CPE: variants seen among roughly 807,000 people sequenced by gnomAD.
CPE encodes carbocypeptidase E.
In CPE, 17 loss-of-function variants were observed where a neutral mutation model predicts 53.5. The observed-to-expected ratio is 0.32, with a 90% CI of 0.22 to 0.48. The LOEUF is 0.48. Ranked by LOEUF, CPE falls within the 20% of genes least tolerant of loss-of-function variation. The probability of loss-of-function intolerance (pLI) is 0.99; values close to 1 mark genes in which losing one functional copy is unlikely to be tolerated. For missense variants in CPE, 524 were observed against 614.7 expected (o/e 0.85, Z 1.56); for synonymous variants, 226 against 228.8 (o/e 0.99, Z 0.11).
chr4:165,467,614 A>T, intron 2 of CPE, 74 bp from the exon 3 acceptor site: 1 of 1,399,396 alleles, frequency 7.1e-7, no homozygotes, highest in South Asian at 1.4e-5. Context: ...AAGAGCATTG[A>T]TAGGGACCTT....
At chr4:165,462,461 T>C (rs1280031236) in intron 1 of CPE, among the ~76,000 whole-genome samples, 1 of 148,926 alleles carries the variant, frequency 6.7e-6, no homozygotes, top group African/African-American at 2.4e-5. Context: ...AGGACCAAAA[T>C]GCCTTCTTAG....
In CPE at chr4:165,484,569, C is replaced by T. The variant is rs150784271; in HGVS notation, c.938C>T (p.Thr313Ile). 18 of 1,614,088 alleles carry T rather than the reference C, an allele frequency of 1.1e-5. No individual in the cohort carries two copies. In the African/African-American group the frequency reaches 2.0e-4, roughly 18 times the overall value. ...NDDDSSFVDGTTNGGAWYSVP... is the reference protein window; with the variant it reads ...NDDDSSFVDGITNGGAWYSVP... ...GATGACAGCAGCTTTGTAGATGGAA[C>T]CACCAACGGTGGTGCTTGGTACAGC... The change falls in exon 5 of 9, where the codon ACC becomes ATC. Residue 313 changes from threonine to isoleucine, a missense_variant. Transcript: ENST00000402744.
At chr4:165,485,345 A>G (rs1732490347) in intron 5 of CPE, among the ~76,000 whole-genome samples, 1 of 152,198 alleles carries the variant, frequency 6.6e-6, no homozygotes, top group Non-Finnish European at 1.5e-5. Flanking sequence ...CCACCTGGAA[A>G]AAGAAAATTT....
chr4:165,430,080 T>C (rs1731383851), intron 1 of CPE, among the ~76,000 whole-genome samples: 2 of 152,234 alleles, frequency 1.3e-5, no homozygotes, highest in South Asian at 4.1e-4. Flanking sequence ...CTTATTATTA[T>C]TGTGCTCTTT....
intron 1 of CPE, among the ~76,000 whole-genome samples, chr4:165,445,780 T>G (rs1296983061): frequency 6.6e-6 from 1 of 152,190 alleles, no homozygotes; most frequent in African/African-American, 2.4e-5. Context: ...TCGGTTCATT[T>G]GAAATAATAA....
intron 1 of CPE, among the ~76,000 whole-genome samples, chr4:165,450,501 A>G (rs1233699541): frequency 6.6e-6 from 1 of 152,242 alleles, no homozygotes; most frequent in East Asian, 1.9e-4. Context: ...AACCATAAAC[A>G]AAATATGATA....
intron 1 of CPE, among the ~76,000 whole-genome samples, chr4:165,384,258 G>T (rs931505057): frequency 2.6e-5 from 4 of 152,164 alleles, no homozygotes; most frequent in African/African-American, 9.7e-5. Flanking sequence ...TATATTGAAA[G>T]ACCTAACAGA....
intron 6 of CPE, among the ~76,000 whole-genome samples, chr4:165,490,573 C>T (rs1732583346): frequency 7.4e-6 from 1 of 136,030 alleles, no homozygotes; most frequent in Non-Finnish European, 1.5e-5. Context: ...GCGGAGCTTG[C>T]AGTGAGCCGA....
chr4:165,424,755 C>T (rs1189646399), intron 1 of CPE, among the ~76,000 whole-genome samples: 2 of 151,894 alleles, frequency 1.3e-5, no homozygotes, highest in African/African-American at 4.8e-5. Context: ...AGGATGGTCT[C>T]GATCTCCTGA....
chr4:165,431,613 G>C (rs981774578), intron 1 of CPE, among the ~76,000 whole-genome samples: 1 of 152,166 alleles, frequency 6.6e-6, no homozygotes, highest in Non-Finnish European at 1.5e-5. Context: ...GCTGCTTCCT[G>C]ATGAGTTTGG....
intron 1 of CPE, among the ~76,000 whole-genome samples, chr4:165,426,175 T>A (rs901527244): frequency 2.6e-5 from 4 of 152,212 alleles, no homozygotes; most frequent in Non-Finnish European, 5.9e-5. Context: ...AGTGGTTTCA[T>A]ATCTATAAAT....
chr4:165,485,806 GT>G (rs1732496588), intron 5 of CPE, among the ~76,000 whole-genome samples: 1 of 152,170 alleles, frequency 6.6e-6, no homozygotes, highest in African/African-American at 2.4e-5. Context: ...TTAGTCTTCA[GT>G]TCTGTATATA....
At chr4:165,463,354 T>C (rs569824082) in intron 1 of CPE, among the ~76,000 whole-genome samples, 8 of 152,328 alleles carry the variant, frequency 5.3e-5, no homozygotes, top group African/African-American at 1.9e-4. Flanking sequence ...TTGCTATTTG[T>C]CAGGCACTGT....
At chr4:165,448,895 C>T (rs1173507163) in intron 1 of CPE, among the ~76,000 whole-genome samples, 1 of 152,166 alleles carries the variant, frequency 6.6e-6, no homozygotes, top group Non-Finnish European at 1.5e-5. Flanking sequence ...GGTGCTACAT[C>T]GTGGGTTGCT....
intron 1 of CPE, among the ~76,000 whole-genome samples, chr4:165,421,290 T>C (rs900986026): frequency 1.3e-5 from 2 of 152,234 alleles, no homozygotes; most frequent in Admixed American, 6.5e-5. Flanking sequence ...TTGAAAGGTA[T>C]ACTTTTAGGA....
chr4:165,406,385 C>T, intron 1 of CPE: 2 of 411,278 alleles, frequency 4.9e-6, no homozygotes, highest in Non-Finnish European at 9.6e-6. Flanking sequence ...GAGCGCTTCT[C>T]TTTAATTTCA....
intron 1 of CPE, among the ~76,000 whole-genome samples, chr4:165,423,148 T>C (rs896098653): frequency 1.3e-5 from 2 of 152,150 alleles, no homozygotes; most frequent in Non-Finnish European, 2.9e-5. Context: ...AGCAGAGGGA[T>C]GACTTTGAGT....
chr4:165,455,541 C>T (rs566571232), intron 1 of CPE, among the ~76,000 whole-genome samples: 16 of 152,130 alleles, frequency 1.1e-4, no homozygotes, highest in Non-Finnish European at 2.2e-4. Flanking sequence ...TTAATATCTA[C>T]AGAAAGATTT....
In CPE at chr4:165,487,769, C is replaced by T. The variant is rs114780067; in HGVS notation, c.1113+192C>T. On this transcript the variant is annotated intron_variant, in intron 6 of 8. Coordinates refer to ENST00000402744, the MANE Select transcript of CPE (RefSeq NM_001873.4). ...GGTTTTGTGGCTCAGGACTATTCAC[C>T]AAGAACTGACTAAACTGGAGAGTAT... Among the ~76,000 whole-genome samples, 1,083 of 152,144 alleles carry T rather than the reference C, an allele frequency of 7.1e-3. 18 individuals are homozygous for T. Among genetic ancestry groups the T allele is most frequent in the African/African-American group, 0.025 (1,027 of 41,498 alleles).
Sources: allele counts gnomAD v4.1 joint callset (sites outside exome capture counted in the v4.1 genomes callset), GRCh38; gene constraint gnomAD v4.1.1; transcripts MANE v1.5; gene names NCBI Gene and HGNC (gene_info 2026-07-23, HGNC 2026-07-21).